Variants in EYA1 observed in about 807,000 individuals in gnomAD.
EYA1 encodes EYA transcriptional coactivator and phosphatase 1.
Under a neutral mutation model 82.0 loss-of-function variants are expected in EYA1, and 16 were observed. The ratio of observed to expected loss-of-function variants is 0.20; its 90% CI spans 0.13 to 0.30. The LOEUF (loss-of-function observed/expected upper bound fraction) is 0.30. Among genes scored for constraint, EYA1 ranks in the 10% least tolerant of loss-of-function variants. EYA1 has a pLI of 1.00. For missense variants in EYA1, 633 were observed against 730.7 expected, an observed-to-expected ratio of 0.87 and a Z score of 1.54; for synonymous variants, 261 against 264.4, an observed-to-expected ratio of 0.99 and a Z score of 0.12.
At chr8:71,495,297 AT>A (rs1470037636) in intron 2 of EYA1, among the ~76,000 whole-genome samples, 2 of 152,182 alleles carry the variant, frequency 1.3e-5, no homozygotes, top group Admixed American at 6.5e-5. Flanking sequence ...TTCTAATTTG[AT>A]GTGAAATTCA....
At chr8:71,434,879 C>T (rs1805888453) in intron 2 of EYA1, among the ~76,000 whole-genome samples, 1 of 151,988 alleles carries the variant, frequency 6.6e-6, no homozygotes, top group Non-Finnish European at 1.5e-5. Context: ...GCAATTTTAC[C>T]AAGCCAAGCA....
chr8:71,349,716 C>T lies in EYA1; in HGVS notation c.124+5066G>A, dbSNP rs1323775780. Among the ~76,000 whole-genome samples the T allele has an allele frequency of 2.6e-5, 4 of 152,290 alleles. No individual in the cohort carries two copies. In the East Asian group the frequency reaches 5.8e-4, roughly 22 times the overall value. On this transcript the variant is annotated intron_variant, in intron 3 of 17. Coordinates refer to ENST00000340726, the MANE Select transcript of EYA1 (RefSeq NM_000503.6). ...CCCATTTTACAGATGAGAAAACAGCCACCCAGAAGCTGACTTGTCTGAGTT... is the reference window on the plus strand; with the variant it reads ...CCCATTTTACAGATGAGAAAACAGCTACCCAGAAGCTGACTTGTCTGAGTT...
In EYA1 at chr8:71,545,701, A is replaced by G. The variant is rs564152870; in HGVS notation, c.-73+2163T>C. On this transcript the variant is annotated intron_variant, in intron 1 of 18. Coordinates refer to the EYA1 transcript ENST00000643681. Reference sequence around the variant, plus strand: ...CTCAGCCTCCCAAGTAGCTGGGATTATAGGCGCCCACCACCACGCCCAGCT... The same window carrying G: ...CTCAGCCTCCCAAGTAGCTGGGATTGTAGGCGCCCACCACCACGCCCAGCT... Among the ~76,000 whole-genome samples, 146 of 150,828 alleles carry G rather than the reference A, an allele frequency of 9.7e-4. 1 individual carries two copies. The highest frequency in any genetic ancestry group is 3.4e-3 in the African/African-American group (141 of 41,014).
intron 16 of EYA1, among the ~76,000 whole-genome samples, chr8:71,213,612 C>T (rs1200019646): frequency 1.3e-5 from 2 of 152,192 alleles, no homozygotes; most frequent in East Asian, 3.8e-4. Context: ...CTTGGCCCTT[C>T]TTGGGAAGCA....
At chr8:71,346,448 A>ATATATATC (rs1554561619) in intron 3 of EYA1, among the ~76,000 whole-genome samples, 1 of 135,300 alleles carries the variant, frequency 7.4e-6, no homozygotes, top group Non-Finnish European at 1.5e-5. Context: ...ATATATATAT[A>ATATATATC]TATATATCTA....
intron 17 of EYA1, among the ~76,000 whole-genome samples, chr8:71,207,027 A>T (rs1807872677): frequency 6.6e-6 from 1 of 152,218 alleles, no homozygotes; most frequent in Non-Finnish European, 1.5e-5. Flanking sequence ...AAGTGCTGGG[A>T]TTACAAGTGT....
At chr8:71,245,518 G>A (rs1193144819) in intron 11 of EYA1, among the ~76,000 whole-genome samples, 5 of 149,098 alleles carry the variant, frequency 3.4e-5, no homozygotes, top group East Asian at 2.0e-4. Flanking sequence ...GAGCCACTGC[G>A]CCCGGCCTAA....
chr8:71,216,735 T>C lies in EYA1; in HGVS notation c.1317A>G (p.Arg439=). The change falls in exon 14 of 18, where the codon AGA becomes AGG. Residue 439 remains arginine, a synonymous_variant. Coordinates refer to ENST00000340726, the MANE Select transcript of EYA1 (RefSeq NM_000503.6). ...DWMRKLAFRY[R]RVKEIYNTYK... is the part of the protein sequence containing the mutation. ...AGGTGTTGTAGATCTCTTTTACCCG[T>C]CTGTAGCGGAAGGCCAACTTTCTCA... The C allele has an allele frequency of 6.2e-7, 1 of 1,613,254 alleles. No homozygotes were observed. Among genetic ancestry groups the C allele is most frequent in the Non-Finnish European group, 8.5e-7 (1 of 1,179,746 alleles).
At chr8:71,503,183 T>C (rs1020553065) in intron 2 of EYA1, among the ~76,000 whole-genome samples, 29 of 152,130 alleles carry the variant, frequency 1.9e-4, no homozygotes, top group African/African-American at 3.6e-4. Flanking sequence ...ACTGTTTAAA[T>C]GACAGTATAG....
At chr8:71,415,775 G>A (rs752225860) in intron 2 of EYA1, among the ~76,000 whole-genome samples, 2 of 152,170 alleles carry the variant, frequency 1.3e-5, no homozygotes, top group Non-Finnish European at 2.9e-5. Flanking sequence ...AATGAAGGTA[G>A]AACAAAAGAT....
chr8:71,399,658 G>T (rs1829839282), intron 2 of EYA1, among the ~76,000 whole-genome samples: 1 of 152,092 alleles, frequency 6.6e-6, no homozygotes, highest in South Asian at 2.1e-4. Flanking sequence ...CAAACAAATG[G>T]AATAACATTC....
chr8:71,456,436 T>C (rs993747505), intron 2 of EYA1, among the ~76,000 whole-genome samples: 1 of 151,818 alleles, frequency 6.6e-6, no homozygotes, highest in East Asian at 1.9e-4. Context: ...CAAAAAAGAG[T>C]CCGCATTGCC....
chr8:71,523,021 G>A (rs1008353593), intron 2 of EYA1, among the ~76,000 whole-genome samples: 1 of 151,940 alleles, frequency 6.6e-6, no homozygotes, highest in Non-Finnish European at 1.5e-5. Context: ...TTCATTATAG[G>A]ATTATAAAAT....
intron 2 of EYA1, among the ~76,000 whole-genome samples, chr8:71,375,574 T>C (rs1828325925): frequency 6.6e-6 from 1 of 152,144 alleles, no homozygotes. Context: ...AGGAGCGTTT[T>C]TCTCTGGGTA....
rs552198205 is a variant in EYA1 at position 71,547,307 on chromosome 8, C to T, written c.-73+557G>A. On this transcript the variant is annotated intron_variant, in intron 1 of 18. Transcript: ENST00000643681. Reference sequence around the variant, plus strand: ...TAAGATGGCAATCACAACATCATATCAGGCCAAGAGGACCCTCCCCTCCGT... The same window carrying T: ...TAAGATGGCAATCACAACATCATATTAGGCCAAGAGGACCCTCCCCTCCGT... Among the ~76,000 whole-genome samples, 10 of 152,298 alleles carry T rather than the reference C, an allele frequency of 6.6e-5. No homozygotes were observed. In the South Asian group the frequency reaches 2.1e-3, roughly 32 times the overall value.
At chr8:71,337,184 T>C (rs1473357866) in intron 3 of EYA1, among the ~76,000 whole-genome samples, 1 of 152,198 alleles carries the variant, frequency 6.6e-6, no homozygotes, top group Non-Finnish European at 1.5e-5. Context: ...AGAACAACTA[T>C]CCCATCTAAG....
chr8:71,225,445 G>GA (rs536629955), intron 12 of EYA1: 69 of 348,608 alleles, frequency 2.0e-4, no homozygotes, highest in African/African-American at 1.4e-3. Context: ...TGCAGAAAAA[G>GA]AAAAAAATGG....
intron 2 of EYA1, among the ~76,000 whole-genome samples, chr8:71,491,952 A>C (rs140881123): frequency 6.6e-6 from 1 of 152,270 alleles, no homozygotes; most frequent in African/African-American, 2.4e-5. Flanking sequence ...GATTGTACCA[A>C]GCATAATGTT....
At position 71,361,913 on chromosome 8, in the gene EYA1, G is replaced by C; in HGVS notation, c.-321C>G. 1 of 985,472 alleles carries C rather than the reference G, an allele frequency of 1.0e-6. No individual in the cohort carries two copies. The highest frequency in any genetic ancestry group is 1.2e-6 in the Non-Finnish European group (1 of 829,976). The allele number at this position is 985,472 out of a possible 1,614,324, so 61.0% of individuals were successfully genotyped here. A position where few individuals can be genotyped will look rare whatever the true frequency, so the allele number is the denominator to read the frequency against. ...GTTCCCCAGGAAGAAACCCGCCACAGTGGACGGCAACAGGAAGGCTTAAAG... is the reference window on the plus strand; with the variant it reads ...GTTCCCCAGGAAGAAACCCGCCACACTGGACGGCAACAGGAAGGCTTAAAG... On this transcript the variant is annotated 5_prime_UTR_variant, in exon 1 of 18. Coordinates refer to ENST00000340726, the MANE Select transcript of EYA1 (RefSeq NM_000503.6).
Sources: gnomAD v4.1 joint callset for allele counts (sites outside exome capture counted in the v4.1 genomes callset) on GRCh38, gnomAD v4.1.1 for gene constraint, MANE v1.5 for transcripts, NCBI Gene and HGNC (gene_info 2026-07-23, HGNC 2026-07-21) for gene names.